Variants in NCAM2 observed in about 807,000 individuals in gnomAD.
The protein encoded by NCAM2 is N-CAM-2.
NCAM2 carries 30 observed loss-of-function variants against 98.1 expected under a neutral mutation model. The ratio of observed to expected loss-of-function variants is 0.31; its 90% CI spans 0.23 to 0.41. The LOEUF (loss-of-function observed/expected upper bound fraction) is 0.41, where lower values mean the gene tolerates loss of function less well. NCAM2 is among the 10% of genes least tolerant of loss of function. The pLI, the probability that NCAM2 is intolerant of heterozygous loss-of-function variation, is 1.00. For synonymous variants in NCAM2, 368 were observed against 342.4 expected (o/e 1.07, Z -0.83); for missense variants, 867 against 1,005.8 (o/e 0.86, Z 1.87).
chr21:21,003,229 A>G (rs1389154227), intron 1 of NCAM2, among the ~76,000 whole-genome samples: 1 of 152,208 alleles, frequency 6.6e-6, no homozygotes, highest in Admixed American at 6.5e-5. Context: ...CTTGAATTTA[A>G]ATCAAGATGT....
At chr21:21,536,733 ATGT>A (rs1425991012) in intron 17 of NCAM2, among the ~76,000 whole-genome samples, 6 of 152,138 alleles carry the variant, frequency 3.9e-5, no homozygotes, top group Admixed American at 1.3e-4. Flanking sequence ...TGGAAAAAGT[ATGT>A]TGTTAAGGGA....
intron 1 of NCAM2, among the ~76,000 whole-genome samples, chr21:21,137,867 T>G (rs1435156527): frequency 6.6e-6 from 1 of 152,276 alleles, no homozygotes; most frequent in East Asian, 1.9e-4. Context: ...GTTGTGATTC[T>G]TCTTTGTGTT....
intron 1 of NCAM2, among the ~76,000 whole-genome samples, chr21:21,076,154 T>C (rs900274737): frequency 2.0e-4 from 31 of 151,706 alleles, no homozygotes; most frequent in Admixed American, 1.9e-3. Flanking sequence ...AAAATCAGCA[T>C]TTTCAAAAGT....
intron 8 of NCAM2, among the ~76,000 whole-genome samples, chr21:21,338,923 A>G (rs1478856998): frequency 6.6e-6 from 1 of 152,162 alleles, no homozygotes; most frequent in Non-Finnish European, 1.5e-5. Flanking sequence ...TGCCATTTTA[A>G]AAACAGGAAT....
At chr21:21,187,548 G>T (rs1182122285) in intron 1 of NCAM2, among the ~76,000 whole-genome samples, 1 of 151,858 alleles carries the variant, frequency 6.6e-6, no homozygotes, top group Non-Finnish European at 1.5e-5. Flanking sequence ...GTCATGGAGG[G>T]CTTTCAAAGG....
intron 1 of NCAM2, among the ~76,000 whole-genome samples, chr21:21,085,830 T>C (rs1292156136): frequency 2.0e-5 from 3 of 152,198 alleles, no homozygotes; most frequent in Admixed American, 1.3e-4. Context: ...TTAAAAAATT[T>C]TGTTATTTCA....
In NCAM2 at chr21:21,537,829, T is replaced by A. The variant is rs377163855; in HGVS notation, c.2403-17T>A. On this transcript the variant is annotated splice_polypyrimidine_tract_variant and intron_variant, in intron 17 of 17. Transcript: ENST00000400546. The stretch of plus-strand genomic sequence containing the variant: ...AAATACCTCAGAAAATGAAGCTTAT[T>A]ATTTTTTATCTTCCAGAAAATTGCC... 5.6e-5 allele frequency: 75 copies of A among 1,348,658 alleles called. No homozygotes were observed. Among genetic ancestry groups the A allele is most frequent in the Non-Finnish European group, 7.4e-5 (71 of 965,204 alleles). The allele number at this position is 1,348,658 out of a possible 1,614,324, so 83.5% of individuals were successfully genotyped here.
At chr21:21,313,178 T>TA (rs2074110928) in intron 5 of NCAM2, among the ~76,000 whole-genome samples, 1 of 151,846 alleles carries the variant, frequency 6.6e-6, no homozygotes, top group Non-Finnish European at 1.5e-5. Flanking sequence ...AAACTTCATT[T>TA]AAAAAAATTT....
At chr21:21,196,808 G>T (rs1361220476) in intron 1 of NCAM2, among the ~76,000 whole-genome samples, 1 of 152,238 alleles carries the variant, frequency 6.6e-6, no homozygotes, top group Non-Finnish European at 1.5e-5. Flanking sequence ...TATCCCCAGT[G>T]TTGGAGGTGG....
chr21:21,389,172 G>T (rs954453087), intron 9 of NCAM2, among the ~76,000 whole-genome samples: 1 of 152,210 alleles, frequency 6.6e-6, no homozygotes, highest in African/African-American at 2.4e-5. Context: ...CATGGGTGGG[G>T]GGAAGCCTTA....
At chr21:21,163,238 T>A (rs2067843749) in intron 1 of NCAM2, among the ~76,000 whole-genome samples, 1 of 152,012 alleles carries the variant, frequency 6.6e-6, no homozygotes, top group South Asian at 2.1e-4. Flanking sequence ...TTACATTCAG[T>A]GTTGACAGCC....
In NCAM2 at chr21:21,450,992, C is replaced by A. The variant is rs9981801; in HGVS notation, c.1655-15614C>A. Reference sequence around the variant, plus strand: ...ATATATAGGTCCAATATATTCCAAGCGTTTATATGAGAATTCATGAGATTC... The same window carrying A: ...ATATATAGGTCCAATATATTCCAAGAGTTTATATGAGAATTCATGAGATTC... On this transcript the variant is annotated intron_variant, in intron 12 of 17. Coordinates refer to ENST00000400546, the MANE Select transcript of NCAM2 (RefSeq NM_004540.5). 8.2e-3 allele frequency among the ~76,000 whole-genome samples: 1,246 copies of A among 151,952 alleles called. 22 individuals are homozygous for A. Among genetic ancestry groups the A allele is most frequent in the African/African-American group, 0.028 (1,164 of 41,416 alleles).
chr21:21,143,354 C>T (rs1569070139), intron 1 of NCAM2, among the ~76,000 whole-genome samples: 2 of 152,078 alleles, frequency 1.3e-5, no homozygotes, highest in African/African-American at 2.4e-5. Flanking sequence ...CTTTATTAAA[C>T]ATATTAACTC....
intron 1 of NCAM2, among the ~76,000 whole-genome samples, chr21:21,125,836 A>T (rs189722484): frequency 6.6e-6 from 1 of 151,492 alleles, no homozygotes; most frequent in East Asian, 1.9e-4. Flanking sequence ...ATAGTCTCTG[A>T]ATTGAAACTG....
intron 8 of NCAM2, among the ~76,000 whole-genome samples, chr21:21,358,719 G>A (rs2075563753): frequency 6.6e-6 from 1 of 151,968 alleles, no homozygotes; most frequent in Non-Finnish European, 1.5e-5. Context: ...TCTGCTCTGT[G>A]ATAGCAGGTA....
intron 1 of NCAM2, among the ~76,000 whole-genome samples, chr21:21,273,339 A>G (rs991159500): frequency 2.0e-5 from 3 of 152,192 alleles, no homozygotes; most frequent in Admixed American, 6.5e-5. Context: ...AAGAAAACAA[A>G]GAAGATATTG....
chr21:21,227,435 G>T (rs566008709), intron 1 of NCAM2, among the ~76,000 whole-genome samples: 1 of 151,670 alleles, frequency 6.6e-6, no homozygotes, highest in Non-Finnish European at 1.5e-5. Flanking sequence ...TACAGAAAAC[G>T]TAGTCAAAAC....
chr21:21,269,648 A>C (rs2072420118), intron 1 of NCAM2, among the ~76,000 whole-genome samples: 1 of 152,208 alleles, frequency 6.6e-6, no homozygotes. Flanking sequence ...ATTGGCACTT[A>C]ACAAAAGAAA....
At chr21:21,039,946 G>C (rs2064870344) in intron 1 of NCAM2, among the ~76,000 whole-genome samples, 1 of 152,152 alleles carries the variant, frequency 6.6e-6, no homozygotes, top group African/African-American at 2.4e-5. Context: ...CAGCTTCCCA[G>C]AGAGGGGACT....
Sources: gnomAD v4.1 joint callset for allele counts (sites outside exome capture counted in the v4.1 genomes callset) on GRCh38, gnomAD v4.1.1 for gene constraint, MANE v1.5 for transcripts, NCBI Gene and HGNC (gene_info 2026-07-23, HGNC 2026-07-21) for gene names.